The following SLC26A11 variants were observed in gnomAD, a reference collection of about 807,000 sequenced individuals.
SLC26A11 encodes the protein sodium-independent sulfate anion transporter.
In SLC26A11, 58 loss-of-function variants were observed where a neutral mutation model predicts 62.2. That is an observed-to-expected ratio of 0.93 (90% CI 0.76 to 1.16). SLC26A11 has a LOEUF of 1.16. SLC26A11 is among the 50% of genes most tolerant of loss of function. The pLI, the probability that SLC26A11 is intolerant of heterozygous loss-of-function variation, is 0.00. For synonymous variants in SLC26A11, 411 were observed against 368.9 expected, an observed-to-expected ratio of 1.11 and a Z score of -1.31; for missense variants, 790 against 794.3, an observed-to-expected ratio of 0.99 and a Z score of 0.06.
intron 5 of SLC26A11, among the ~76,000 whole-genome samples, chr17:80,224,760 TGGAGAGC>T (rs1165833324): frequency 6.6e-6 from 1 of 151,866 alleles, no homozygotes; most frequent in African/African-American, 2.4e-5. Context: ...CCAGTGAGAG[TGGAGAGC>T]GGAGAGTGGA....
chr17:80,221,243 T>A, intron 2 of SLC26A11, 128 bp downstream of exon 2: 1 of 353,466 alleles, frequency 2.8e-6, no homozygotes, highest in Non-Finnish European at 5.1e-6. Flanking sequence ...TCTTCAGACT[T>A]CTCAATGAGG....
intron 6 of SLC26A11, among the ~76,000 whole-genome samples, chr17:80,227,214 CAT>C (rs1220062988): frequency 3.3e-5 from 5 of 152,226 alleles, no homozygotes; most frequent in Non-Finnish European, 7.3e-5. Context: ...TGAAAGAACT[CAT>C]AATGTTTTAA....
Position 80,243,609 on chromosome 17 carries a change from C to T in SLC26A11, c.1037-1587C>T, listed in dbSNP as rs116142282. Among the ~76,000 whole-genome samples the T allele has an allele frequency of 7.3e-3, 1,116 of 152,256 alleles. 19 individuals carry two copies. Among genetic ancestry groups the T allele is most frequent in the African/African-American group, 0.025 (1,052 of 41,554 alleles). On this transcript the variant is annotated intron_variant, in intron 10 of 17. Transcript: ENST00000361193. ...ACGAGGTTTTGCCATGTTGGCCAGG[C>T]GGGTCTCAAGCTGCTGACCTCTGGT...
rs755767772 is a variant in SLC26A11, at chr17:80,246,460, TG to T, written c.1154-43del. 1 of 1,601,740 alleles carries T rather than the reference TG, an allele frequency of 6.2e-7. No individual in the cohort carries two copies. ...AACAAGAGGCTGCTACGCTGCGTGC[TG>T]GGGGGACCCTGCACTCCCGAGGTCA... On this transcript the variant is annotated intron_variant, in intron 12 of 17. Transcript: ENST00000361193. The surrounding 1 kb of genome is among the most constrained non-coding windows in gnomAD (Gnocchi z 4.4).
In SLC26A11 at chr17:80,222,399, C is replaced by A; in HGVS notation, c.235-256C>A. On this transcript the variant is annotated intron_variant, in intron 3 of 17. Transcript: ENST00000361193. The surrounding 1 kb of genome is among the most constrained non-coding windows in gnomAD (Gnocchi z 4.7). ...TCAAAAAAAAAAAAAAAGAATGCTT[C>A]CTCAGACTTGGACACAGCACACGGG... 1 of 401,990 alleles carries A rather than the reference C, an allele frequency of 2.5e-6. No individual in the cohort carries two copies. Among genetic ancestry groups the A allele is most frequent in the Non-Finnish European group, 4.4e-6 (1 of 229,194 alleles). The allele number at this position is 401,990 out of a possible 1,614,324, so 24.9% of individuals were successfully genotyped here.
chr17:80,227,499 C>T (rs117071069), intron 6 of SLC26A11, among the ~76,000 whole-genome samples: 1 of 152,322 alleles, frequency 6.6e-6, no homozygotes, highest in Non-Finnish European at 1.5e-5. Context: ...TGTGTACTTA[C>T]TGAATTTTGA....
At chr17:80,230,432 G>T (rs149355364) in intron 7 of SLC26A11, among the ~76,000 whole-genome samples, 53 of 152,252 alleles carry the variant, frequency 3.5e-4, no homozygotes, top group African/African-American at 1.2e-3. Flanking sequence ...AGAAGCCAAA[G>T]CTGTGGTTTA....
intron 7 of SLC26A11, among the ~76,000 whole-genome samples, chr17:80,231,959 C>G (rs1465751581): frequency 6.6e-6 from 1 of 152,150 alleles, no homozygotes; most frequent in East Asian, 1.9e-4. Flanking sequence ...GGTTGGTTAT[C>G]TCAGGCTACT....
intron 7 of SLC26A11, among the ~76,000 whole-genome samples, chr17:80,236,507 G>A (rs999883175): frequency 6.6e-6 from 1 of 152,252 alleles, no homozygotes; most frequent in Non-Finnish European, 1.5e-5. Flanking sequence ...CGTCATGGCT[G>A]CTGTCCCGCG....
At position 80,248,562 on chromosome 17, in the gene SLC26A11, C is replaced by T. The variant is rs760327136; in HGVS notation, c.1423-13C>T. The T allele has an allele frequency of 6.4e-7, 1 of 1,564,008 alleles. No individual in the cohort carries two copies. Among genetic ancestry groups the T allele is most frequent in the Non-Finnish European group, 8.7e-7 (1 of 1,154,482 alleles). On this transcript the variant is annotated splice_polypyrimidine_tract_variant and intron_variant, in intron 14 of 17. Transcript: ENST00000361193. ...CGGTCAGACCCGCCTCCAGGACTCA[C>T]TCCTCCCCACAGGTGTCAGAGGGGC... is the stretch of plus-strand genomic sequence containing the variant.
intron 5 of SLC26A11, among the ~76,000 whole-genome samples, chr17:80,225,390 C>T (rs539919983): frequency 3.3e-5 from 5 of 152,234 alleles, no homozygotes; most frequent in Non-Finnish European, 5.9e-5. Context: ...TGGGGGGTGG[C>T]GGGGCACCTA....
chr17:80,227,201 C>A (rs1490729848), intron 6 of SLC26A11, among the ~76,000 whole-genome samples: 2 of 152,212 alleles, frequency 1.3e-5, no homozygotes, highest in African/African-American at 4.8e-5. Flanking sequence ...ACAAAAAAAT[C>A]ATTGAAAGAA....
At chr17:80,229,930 A>G (rs1013840966) in intron 7 of SLC26A11, among the ~76,000 whole-genome samples, 18 of 150,448 alleles carry the variant, frequency 1.2e-4, no homozygotes, top group Non-Finnish European at 2.1e-4. Context: ...GAAGCCGGGC[A>G]TGGTGGCTCA....
In SLC26A11 at chr17:80,237,009, CAG is replaced by C. The variant is rs772213185; in HGVS notation, c.819_820del (p.Glu275AspfsTer3). 217 of 1,614,012 alleles carry C rather than the reference CAG, an allele frequency of 1.3e-4. 1 individual carries two copies. Among genetic ancestry groups the C allele is most frequent in the South Asian group, 3.3e-4 (30 of 91,084 alleles). Reference sequence around the variant, plus strand: ...ACTGGATACCAGCCTTTCATCCTAACAGGGGAGACAGCTGAGGGGCTCCCTCC... The same window carrying C: ...ACTGGATACCAGCCTTTCATCCTAACGGGAGACAGCTGAGGGGCTCCCTCC... On this transcript the variant is annotated frameshift_variant, in exon 8 of 18. Transcript: ENST00000361193. LOFTEE classifies it high-confidence loss of function.
chr17:80,227,200 T>G (rs2042436228), intron 6 of SLC26A11, among the ~76,000 whole-genome samples: 1 of 152,174 alleles, frequency 6.6e-6, no homozygotes, highest in Non-Finnish European at 1.5e-5. Flanking sequence ...TACAAAAAAA[T>G]CATTGAAAGA....
In SLC26A11 at chr17:80,246,682, G is replaced by T; in HGVS notation, c.1294+33G>T. 4 of 1,606,862 alleles carry T rather than the reference G, an allele frequency of 2.5e-6. No homozygotes were observed. Among genetic ancestry groups the T allele is most frequent in the Non-Finnish European group, 3.4e-6 (4 of 1,176,716 alleles). The stretch of plus-strand genomic sequence containing the variant: ...CTTGTCCTACAGGGGAGAGCGCTGT[G>T]ATGCGGTGTCTGAACGCGGAGGGTG... On this transcript the variant is annotated intron_variant, in intron 13 of 17. Coordinates refer to ENST00000361193, the MANE Select transcript of SLC26A11 (RefSeq NM_001166347.2). The surrounding 1 kb of genome is among the most constrained non-coding windows in gnomAD (Gnocchi z 4.4).
At chr17:80,238,503 C>G (rs1008528652) in intron 9 of SLC26A11, among the ~76,000 whole-genome samples, 1 of 152,192 alleles carries the variant, frequency 6.6e-6, no homozygotes, top group Non-Finnish European at 1.5e-5. Context: ...GGCAGGGAAC[C>G]CTTCGTCTCC....
At chr17:80,250,752 G>A (rs1167545547) in intron 16 of SLC26A11, among the ~76,000 whole-genome samples, 2 of 152,040 alleles carry the variant, frequency 1.3e-5, no homozygotes, top group African/African-American at 4.8e-5. Context: ...GCTTGAACCC[G>A]GGAGGCAGAG....
In SLC26A11 at chr17:80,221,043, T is replaced by C. The variant is rs1257491754; in HGVS notation, c.-86T>C. 6.5e-6 allele frequency: 1 copy of C among 152,860 alleles called. No individual in the cohort carries two copies. The highest frequency in any genetic ancestry group is 2.4e-5 in the African/African-American group (1 of 41,386). The allele number at this position is 152,860 out of a possible 1,614,324, so 9.5% of individuals were successfully genotyped here. A position where few individuals can be genotyped will look rare whatever the true frequency, so the allele number is the denominator to read the frequency against. On this transcript the variant is annotated 5_prime_UTR_variant, in exon 2 of 18. Transcript: ENST00000361193. ...CCACCGTAGCGGGTGGAGCCCGCCTTGGTGCGCAGTTGGAAAACCTCGGAG... is the reference window on the plus strand; with the variant it reads ...CCACCGTAGCGGGTGGAGCCCGCCTCGGTGCGCAGTTGGAAAACCTCGGAG...
Sources: allele counts gnomAD v4.1 joint callset (sites outside exome capture counted in the v4.1 genomes callset), GRCh38; gene constraint gnomAD v4.1.1; non-coding constraint Gnocchi (gnomAD v3.1); transcripts MANE v1.5; gene names NCBI Gene and HGNC (gene_info 2026-07-23, HGNC 2026-07-21).